DENND1B: variants seen among roughly 807,000 people sequenced by gnomAD.
DENND1B encodes DENN domain-containing protein 1B.
In DENND1B, 59 loss-of-function variants were observed where a neutral mutation model predicts 90.1. That is an observed-to-expected ratio of 0.65 (90% CI 0.53 to 0.81). The LOEUF (loss-of-function observed/expected upper bound fraction) is 0.81. DENND1B is among the 40% of genes least tolerant of loss of function. The probability of loss-of-function intolerance (pLI) is 0.00; values close to 1 mark genes in which losing one functional copy is unlikely to be tolerated. For missense variants in DENND1B, 862 were observed against 912.6 expected (o/e 0.94, Z 0.71); for synonymous variants, 337 against 324.6 (o/e 1.04, Z -0.41).
intron 2 of DENND1B, among the ~76,000 whole-genome samples, chr1:197,759,742 CAAAAAAAAAAAA>C (rs1196523150): frequency 2.6e-5 from 1 of 38,156 alleles, no homozygotes; most frequent in Non-Finnish European, 4.8e-5. Flanking sequence ...GACTCCGTCT[CAAAAAAAAAAAA>C]AAAAAAAAAA....
At chr1:197,741,861 C>T (rs958681814) in intron 2 of DENND1B, among the ~76,000 whole-genome samples, 1 of 152,032 alleles carries the variant, frequency 6.6e-6, no homozygotes, top group Non-Finnish European at 1.5e-5. Context: ...TTTAGAGATT[C>T]GATTTGCAGT....
At chr1:197,703,530 T>C (rs1378838805) in intron 3 of DENND1B, among the ~76,000 whole-genome samples, 2 of 152,204 alleles carry the variant, frequency 1.3e-5, no homozygotes, top group Admixed American at 6.5e-5. Flanking sequence ...GATTATGGTA[T>C]TACTTTTCAT....
Position 197,506,637 on chromosome 1 carries a change from C to T in DENND1B, c.*3823G>A, listed in dbSNP as rs1440304369. 2 of 151,504 alleles carry T rather than the reference C, an allele frequency of 1.3e-5. No homozygotes were observed. Among genetic ancestry groups the T allele is most frequent in the Non-Finnish European group, 3.0e-5 (2 of 67,596 alleles). 9.4% of individuals were successfully genotyped at this position (151,504 alleles called of 1,614,324 possible). On this transcript the variant is annotated 3_prime_UTR_variant, in exon 23 of 23. Transcript: ENST00000620048. ...TGTTCTCCTCTTGATCAGGAGTCTA[C>T]TTGTTCACCTTAATTAAGAAACAAT... is the stretch of plus-strand genomic sequence containing the variant.
At chr1:197,667,645 C>G (rs138585949) in intron 5 of DENND1B, among the ~76,000 whole-genome samples, 3 of 151,964 alleles carry the variant, frequency 2.0e-5, no homozygotes, top group Non-Finnish European at 4.4e-5. Flanking sequence ...GTAATCCGCC[C>G]GCCTCGGCCT....
chr1:197,585,238 A>C (rs1674599042), intron 14 of DENND1B, among the ~76,000 whole-genome samples: 1 of 152,216 alleles, frequency 6.6e-6, no homozygotes. Flanking sequence ...TAAAAATAGC[A>C]AATGAGCTAA....
rs767055412 is a variant in DENND1B at position 197,721,092 on chromosome 1, C to T, written c.83-6018G>A. Among the ~76,000 whole-genome samples the T allele has an allele frequency of 4.6e-3, 427 of 93,672 alleles. 2 individuals are homozygous for T. Among genetic ancestry groups the T allele is most frequent in the Admixed American group, 9.9e-3 (64 of 6,450 alleles). 61.5% of individuals were successfully genotyped at this position (93,672 alleles called of 152,430 possible). ...TTTTTTTTTTTTTTTTTTTTTGAGA[C>T]GGAGTCTCACTCCGTTGCCCAGGCT... On this transcript the variant is annotated intron_variant, in intron 2 of 22. Coordinates refer to ENST00000620048, the MANE Select transcript of DENND1B (RefSeq NM_001195215.2).
chr1:197,646,539 A>C (rs34496840), intron 8 of DENND1B, among the ~76,000 whole-genome samples: 13,598 of 151,984 alleles, frequency 0.089, 861 homozygotes, highest in Non-Finnish European at 0.14. Context: ...TAATCTCCAA[A>C]ATTATTTAAT....
chr1:197,759,608 T>C (rs1451964257), intron 2 of DENND1B, among the ~76,000 whole-genome samples: 1 of 149,896 alleles, frequency 6.7e-6, no homozygotes, highest in Non-Finnish European at 1.5e-5. Flanking sequence ...CTGGGCATGG[T>C]GGTGGGCGCC....
intron 10 of DENND1B, among the ~76,000 whole-genome samples, chr1:197,631,669 A>G (rs1679337492): frequency 6.6e-6 from 1 of 151,900 alleles, no homozygotes; most frequent in Non-Finnish European, 1.5e-5. Context: ...TAAATTCTAA[A>G]TCTTTAGAGT....
chr1:197,611,644 A>G (rs971329385), intron 12 of DENND1B, among the ~76,000 whole-genome samples: 1 of 150,822 alleles, frequency 6.6e-6, no homozygotes, highest in Non-Finnish European at 1.5e-5. Context: ...CCATAAAAAA[A>G]GGCAACTGAT....
At chr1:197,522,145 T>C (rs1333884834) in intron 20 of DENND1B, among the ~76,000 whole-genome samples, 1 of 152,096 alleles carries the variant, frequency 6.6e-6, no homozygotes, top group Non-Finnish European at 1.5e-5. Flanking sequence ...ATAAGAGTGC[T>C]AATGTTCCAG....
chr1:197,560,972 G>A (rs1471050558), intron 15 of DENND1B, among the ~76,000 whole-genome samples: 1 of 151,838 alleles, frequency 6.6e-6, no homozygotes, highest in African/African-American at 2.4e-5. Flanking sequence ...TGCGCTCACA[G>A]ACTGCCTTTT....
chr1:197,628,685 T>C (rs1679027100), intron 10 of DENND1B, among the ~76,000 whole-genome samples: 1 of 152,034 alleles, frequency 6.6e-6, no homozygotes, highest in African/African-American at 2.4e-5. Flanking sequence ...TGGGATCTAA[T>C]TAAACTAAAG....
At chr1:197,747,236 G>T in intron 2 of DENND1B, 1 of 659,812 alleles carries the variant, frequency 1.5e-6, no homozygotes, top group Non-Finnish European at 2.8e-6. Context: ...ATATCTAGGG[G>T]AATTCCAGAA....
chr1:197,744,236 C>T (rs1244073853), intron 2 of DENND1B, among the ~76,000 whole-genome samples: 1 of 152,112 alleles, frequency 6.6e-6, no homozygotes, highest in Non-Finnish European at 1.5e-5. Context: ...GAATCCTTTC[C>T]ATTCACCAAA....
chr1:197,681,788 T>C (rs1041366746), intron 3 of DENND1B, among the ~76,000 whole-genome samples: 12 of 152,188 alleles, frequency 7.9e-5, no homozygotes, highest in African/African-American at 2.9e-4. Flanking sequence ...TTATTTCTCT[T>C]AGTCCTCACA....
intron 13 of DENND1B, among the ~76,000 whole-genome samples, chr1:197,604,029 T>C (rs1393899745): frequency 6.6e-6 from 1 of 151,238 alleles, no homozygotes. Flanking sequence ...ATTCAAACTA[T>C]ACTACAGATG....
At chr1:197,745,082 G>GTTGTGGATGGT (rs1457202888) in intron 2 of DENND1B, among the ~76,000 whole-genome samples, 5 of 152,200 alleles carry the variant, frequency 3.3e-5, no homozygotes. Context: ...TTAAAGCAAT[G>GTTGTGGATGGT]TTGTGGATGG....
At position 197,510,727 on chromosome 1, in the gene DENND1B, T is replaced by A. The variant is rs754471773; in HGVS notation, c.2061A>T (p.Gln687His). ...TCTGGGAAACTTCAGGGGAAGTGAG[T>A]TGGAAATCCAGTCCTGAAGTAGGGT... ...VSDPTSGLDF[Q>H]LTSPEVSQTD... is the part of the protein sequence containing the mutation. Residue 687 changes from glutamine to histidine, a missense_variant, in exon 23 of 23, where the codon CAA becomes CAT. Coordinates refer to ENST00000620048, the MANE Select transcript of DENND1B (RefSeq NM_001195215.2). 6.2e-7 allele frequency: 1 copy of A among 1,612,706 alleles called. No homozygotes were observed. Among genetic ancestry groups the A allele is most frequent in the Non-Finnish European group, 8.5e-7 (1 of 1,179,176 alleles).
Sources: gnomAD v4.1 joint callset for allele counts (sites outside exome capture counted in the v4.1 genomes callset) on GRCh38, gnomAD v4.1.1 for gene constraint, MANE v1.5 for transcripts, NCBI Gene and HGNC (gene_info 2026-07-23, HGNC 2026-07-21) for gene names.